Variants in CWH43 observed in about 807,000 individuals in gnomAD.
CWH43 encodes PGAP2-interacting protein.
CWH43 carries 91 observed loss-of-function variants against 85.7 expected under a neutral mutation model. The ratio of observed to expected loss-of-function variants is 1.06; its 90% confidence interval spans 0.90 to 1.26. The LOEUF is 1.26. Ranked by LOEUF, CWH43 falls within the 50% of genes most tolerant of loss-of-function variation. The pLI is 0.00. For missense variants in CWH43, 869 were observed against 839.2 expected, an observed-to-expected ratio of 1.04 and a Z score of -0.44; for synonymous variants, 323 against 293.6, an observed-to-expected ratio of 1.10 and a Z score of -1.02.
chr4:49,033,609 G>T (rs1462309759), intron 12 of CWH43, among the ~76,000 whole-genome samples: 1 of 152,188 alleles, frequency 6.6e-6, no homozygotes, highest in African/African-American at 2.4e-5. Context: ...AGAGAGGCCA[G>T]TGATGGTTTT....
chr4:49,044,860 G>A lies in CWH43; in HGVS notation c.1865+13G>A, dbSNP rs746576426. ...GAGGGCTGATCAGGTGAGCACAGGGGTTTGATTTTGTTTTTAATCTATTAT... is the reference window on the plus strand; with the variant it reads ...GAGGGCTGATCAGGTGAGCACAGGGATTTGATTTTGTTTTTAATCTATTAT... On this transcript the variant is annotated intron_variant, in intron 14 of 15. Coordinates refer to ENST00000226432, the MANE Select transcript of CWH43 (RefSeq NM_025087.3). 4.4e-6 allele frequency: 7 copies of A among 1,606,352 alleles called. No homozygotes were observed. Among genetic ancestry groups the A allele is most frequent in the Non-Finnish European group, 4.3e-6 (5 of 1,174,074 alleles).
intron 9 of CWH43, among the ~76,000 whole-genome samples, chr4:49,019,121 A>G (rs769522008): frequency 9.9e-5 from 15 of 152,202 alleles, no homozygotes; most frequent in Non-Finnish European, 1.9e-4. Context: ...ATACAGATAT[A>G]AACAAGTTGG....
intron 6 of CWH43, 86 bp from the exon 7 acceptor site, chr4:49,003,649 G>A (rs1783063077): frequency 7.4e-7 from 1 of 1,342,608 alleles, no homozygotes; most frequent in African/African-American, 1.4e-5. Context: ...TACCCCTAAG[G>A]TCTGTTCTGG....
intron 8 of CWH43, chr4:49,016,548 G>A: frequency 1.5e-6 from 1 of 673,110 alleles, no homozygotes; most frequent in South Asian, 1.4e-5. Flanking sequence ...GAAGGGATTG[G>A]CCTGGTCTCA....
rs1783187937 is a variant in CWH43, at chr4:49,007,223, G to A, written c.1083G>A (p.Gly361=). 6.2e-7 allele frequency: 1 copy of A among 1,610,448 alleles called. No homozygotes were observed. Among genetic ancestry groups the A allele is most frequent in the Non-Finnish European group, 8.5e-7 (1 of 1,178,378 alleles). Residue 361 remains glycine, a synonymous_variant, in exon 8 of 16, where the codon GGG becomes GGA. Transcript: ENST00000226432. The part of the protein sequence containing the change: ...VLLGTMMLII[G]LNMLFGPKKN... Reference sequence around the variant, plus strand: ...CAGGGACAATGATGTTAATTATCGGGCTGAATATGCTATTTGGTCCTAAGA... The same window carrying A: ...CAGGGACAATGATGTTAATTATCGGACTGAATATGCTATTTGGTCCTAAGA...
rs761946106 is a variant in CWH43 at position 49,003,949 on chromosome 4, C to T, written c.1017C>T (p.Val339=). 3.1e-6 allele frequency: 5 copies of T among 1,613,310 alleles called. No homozygotes were observed. The Admixed American group carries it at 8.3e-5, about 27-fold the overall frequency. The part of the protein sequence containing the change: ...FCAWCTAFKF[V]PGGVYARERS... ...CCTGGTGCACAGCTTTTAAGTTTGTCCCAGGAGGTGTCTACGCTAGAGAAA... is the reference window on the plus strand; with the variant it reads ...CCTGGTGCACAGCTTTTAAGTTTGTTCCAGGAGGTGTCTACGCTAGAGAAA... Residue 339 remains valine, a synonymous_variant, in exon 7 of 16, where the codon GTC becomes GTT. Coordinates refer to ENST00000226432, the MANE Select transcript of CWH43 (RefSeq NM_025087.3).
chr4:49,054,955 G>C (rs1436486142), intron 15 of CWH43, among the ~76,000 whole-genome samples: 1 of 151,818 alleles, frequency 6.6e-6, no homozygotes, highest in Non-Finnish European at 1.5e-5. Context: ...CCTGCAAATA[G>C]GGACAATTTA....
rs1783560191 is a variant in CWH43 at position 49,016,752 on chromosome 4, TC to T, written c.1187-494del. The T allele has an allele frequency of 1.3e-5, 10 of 777,786 alleles. No individual in the cohort carries two copies. In the East Asian group the frequency reaches 2.4e-4, roughly 19 times the overall value. 48.2% of individuals were successfully genotyped at this position (777,786 alleles called of 1,614,324 possible). ...AACAACCTTCTCAGTGATGCCAGCT[TC>T]CCTTGCATCTAGCTTCTTCCCAATG... On this transcript the variant is annotated intron_variant, in intron 8 of 15. Transcript: ENST00000226432.
chr4:49,001,355 T>A (rs1019708943), intron 6 of CWH43, among the ~76,000 whole-genome samples: 5 of 152,118 alleles, frequency 3.3e-5, no homozygotes, highest in African/African-American at 1.2e-4. Context: ...TTACTTCTGC[T>A]TGATGTCTTT....
intron 13 of CWH43, among the ~76,000 whole-genome samples, chr4:49,042,567 T>C (rs1784497028): frequency 6.6e-6 from 1 of 152,048 alleles, no homozygotes; most frequent in Non-Finnish European, 1.5e-5. Flanking sequence ...GAGTTATAGA[T>C]TAAGGAGTGG....
At chr4:49,000,706 T>C (rs1276106352) in intron 6 of CWH43, among the ~76,000 whole-genome samples, 4 of 152,190 alleles carry the variant, frequency 2.6e-5, no homozygotes, top group Admixed American at 2.6e-4. Flanking sequence ...AATAGACTGT[T>C]AGTTAAAGAA....
intron 8 of CWH43, 126 bp from the exon 9 acceptor site, chr4:49,017,123 T>C (rs1382371961): frequency 2.5e-6 from 2 of 797,224 alleles, no homozygotes; most frequent in Admixed American, 4.0e-5. Flanking sequence ...ATCTTCCAGG[T>C]CCTCCAAGAA....
intron 9 of CWH43, among the ~76,000 whole-genome samples, chr4:49,025,261 A>C (rs1007464624): frequency 7.0e-6 from 1 of 143,548 alleles, no homozygotes; most frequent in African/African-American, 2.6e-5. Flanking sequence ...ATCCTGTATC[A>C]TTTTTTTTTT....
chr4:49,020,412 C>G (rs1488346957), intron 9 of CWH43, among the ~76,000 whole-genome samples: 1 of 115,332 alleles, frequency 8.7e-6, no homozygotes, highest in African/African-American at 2.7e-5. Context: ...CACACACACA[C>G]ACACATATAT....
chr4:48,991,876 G>T, intron 3 of CWH43, 60 bp from the exon 4 acceptor site: 1 of 1,380,112 alleles, frequency 7.2e-7, no homozygotes, highest in South Asian at 1.3e-5. Context: ...TGAAATTCAT[G>T]ATGGACATAG....
chr4:49,007,993 G>A (rs1461647531), intron 8 of CWH43, among the ~76,000 whole-genome samples: 1 of 152,156 alleles, frequency 6.6e-6, no homozygotes, highest in Non-Finnish European at 1.5e-5. Context: ...ACCCAGTAAT[G>A]GGATGGCTGG....
At chr4:49,037,022 C>G (rs1488108360) in intron 12 of CWH43, among the ~76,000 whole-genome samples, 3 of 152,162 alleles carry the variant, frequency 2.0e-5, no homozygotes. Context: ...CTGATTGCCT[C>G]ATTGACTCCT....
chr4:49,025,899 C>T (rs1209047762), intron 9 of CWH43, among the ~76,000 whole-genome samples: 7 of 151,994 alleles, frequency 4.6e-5, no homozygotes, highest in Non-Finnish European at 7.4e-5. Flanking sequence ...GTGGGTGGGG[C>T]CATGGAACTC....
intron 11 of CWH43, 57 bp downstream of exon 11, chr4:49,031,017 G>A: frequency 1.4e-6 from 2 of 1,438,848 alleles, no homozygotes; most frequent in Admixed American, 5.1e-5. Flanking sequence ...AGGCTGCATA[G>A]GCTTGGAGTG....
Sources: allele counts gnomAD v4.1 joint callset (sites outside exome capture counted in the v4.1 genomes callset), GRCh38; gene constraint gnomAD v4.1.1; transcripts MANE v1.5; gene names NCBI Gene and HGNC (gene_info 2026-07-23, HGNC 2026-07-21).